NXPH1: variants seen among roughly 807,000 people sequenced by gnomAD.
The protein encoded by NXPH1 is neurexophilin-1.
In NXPH1, 5 loss-of-function variants were observed where a neutral mutation model predicts 23.7. The ratio of observed to expected loss-of-function variants is 0.21; its 90% CI spans 0.11 to 0.44. NXPH1 has a LOEUF of 0.44. Among genes scored for constraint, NXPH1 ranks in the 20% least tolerant of loss-of-function variants. The pLI is 0.99. For missense variants in NXPH1, 324 were observed against 321.6 expected (o/e 1.01, Z -0.06); for synonymous variants, 144 against 122.2 (o/e 1.18, Z -1.18).
At chr7:8,668,203 G>T (rs1408988869) in intron 2 of NXPH1, among the ~76,000 whole-genome samples, 1 of 146,176 alleles carries the variant, frequency 6.8e-6, no homozygotes, top group African/African-American at 2.5e-5. Flanking sequence ...CCATTTCTTT[G>T]TGGTCAGCAA....
At chr7:8,682,975 T>C (rs1201001444) in intron 2 of NXPH1, among the ~76,000 whole-genome samples, 4 of 152,242 alleles carry the variant, frequency 2.6e-5, no homozygotes, top group African/African-American at 4.8e-5. Flanking sequence ...AGCTACTAAC[T>C]AGCTGGGTAT....
intron 2 of NXPH1, among the ~76,000 whole-genome samples, chr7:8,439,619 A>G (rs1281118094): frequency 6.6e-6 from 1 of 152,274 alleles, no homozygotes; most frequent in Non-Finnish European, 1.5e-5. Context: ...GCATGAATTA[A>G]AAATCCTTTC....
At chr7:8,671,944 T>C (rs910287986) in intron 2 of NXPH1, among the ~76,000 whole-genome samples, 2 of 152,114 alleles carry the variant, frequency 1.3e-5, no homozygotes, top group African/African-American at 4.8e-5. Flanking sequence ...TTTGATGGGG[T>C]TGTTTGTTTT....
chr7:8,664,981 C>T (rs1820737136), intron 2 of NXPH1, among the ~76,000 whole-genome samples: 1 of 151,908 alleles, frequency 6.6e-6, no homozygotes, highest in Admixed American at 6.6e-5. Flanking sequence ...GTTATCTCTT[C>T]ACTCTGTCAA....
chr7:8,728,195 T>A (rs1298402745), intron 2 of NXPH1, among the ~76,000 whole-genome samples: 4 of 152,222 alleles, frequency 2.6e-5, no homozygotes, highest in Non-Finnish European at 5.9e-5. Context: ...TTTTGTATCC[T>A]GAGACTTTGC....
At chr7:8,540,574 A>G (rs1407251999) in intron 2 of NXPH1, among the ~76,000 whole-genome samples, 3 of 151,770 alleles carry the variant, frequency 2.0e-5, no homozygotes, top group African/African-American at 7.2e-5. Context: ...GGGGAGGTCA[A>G]GGCGGTTAGG....
At chr7:8,750,908 A>T in intron 2 of NXPH1, 100 bp from the exon 3 acceptor site, 1 of 1,193,976 alleles carries the variant, frequency 8.4e-7, no homozygotes, top group Non-Finnish European at 1.2e-6. Flanking sequence ...AAAAAAGTGT[A>T]ATTATTTAAT....
At chr7:8,490,558 A>G (rs1310768270) in intron 2 of NXPH1, among the ~76,000 whole-genome samples, 1 of 151,944 alleles carries the variant, frequency 6.6e-6, no homozygotes, top group East Asian at 1.9e-4. Context: ...GTGATGATTC[A>G]TTTTTTGTGG....
chr7:8,626,339 T>C (rs753190579), intron 2 of NXPH1, among the ~76,000 whole-genome samples: 1 of 152,060 alleles, frequency 6.6e-6, no homozygotes, highest in Non-Finnish European at 1.5e-5. Context: ...TCATGGACTA[T>C]AATTCTGATG....
At chr7:8,657,060 A>T (rs1230997324) in intron 2 of NXPH1, among the ~76,000 whole-genome samples, 1 of 152,226 alleles carries the variant, frequency 6.6e-6, no homozygotes, top group Non-Finnish European at 1.5e-5. Context: ...TTCTATGTAC[A>T]TGATGTCCTA....
chr7:8,503,001 C>G (rs575411617), intron 2 of NXPH1, among the ~76,000 whole-genome samples: 2 of 152,054 alleles, frequency 1.3e-5, no homozygotes, highest in South Asian at 4.2e-4. Flanking sequence ...TTGCAGGAGC[C>G]TGTTGAGTGC....
chr7:8,750,883 A>T (rs1460396874), intron 2 of NXPH1, 125 bp from the exon 3 acceptor site: 26 of 886,982 alleles, frequency 2.9e-5, no homozygotes, highest in Non-Finnish European at 3.1e-5. Flanking sequence ...TTCTTCTCAG[A>T]TGCGGTGCTT....
intron 2 of NXPH1, among the ~76,000 whole-genome samples, chr7:8,494,767 A>G (rs1817308995): frequency 6.6e-6 from 1 of 152,072 alleles, no homozygotes; most frequent in African/African-American, 2.4e-5. Flanking sequence ...ACATAATTTC[A>G]TGGATGAATC....
chr7:8,550,118 G>C (rs956279497), intron 2 of NXPH1, among the ~76,000 whole-genome samples: 2 of 151,484 alleles, frequency 1.3e-5, no homozygotes, highest in Non-Finnish European at 3.0e-5. Flanking sequence ...CGGTGATCTG[G>C]AGACTTTAGT....
intron 2 of NXPH1, among the ~76,000 whole-genome samples, chr7:8,730,033 G>A (rs1177191450): frequency 2.0e-5 from 3 of 152,148 alleles, no homozygotes; most frequent in Admixed American, 6.5e-5. Context: ...CCTATATTGG[G>A]TGCATATATA....
At chr7:8,701,238 G>A (rs1375822479) in intron 2 of NXPH1, among the ~76,000 whole-genome samples, 1 of 151,996 alleles carries the variant, frequency 6.6e-6, no homozygotes, top group African/African-American at 2.4e-5. Flanking sequence ...AATGGTATCA[G>A]AATTATCATC....
At chr7:8,730,906 T>A (rs1306043645) in intron 2 of NXPH1, among the ~76,000 whole-genome samples, 174 of 151,034 alleles carry the variant, frequency 1.2e-3, no homozygotes, top group Non-Finnish European at 1.6e-3. Context: ...AGATTGGGGA[T>A]GTTCTCCTGG....
intron 2 of NXPH1, among the ~76,000 whole-genome samples, chr7:8,569,343 T>A (rs1436993021): frequency 6.6e-6 from 1 of 151,934 alleles, no homozygotes; most frequent in African/African-American, 2.4e-5. Context: ...GTTGTTAGGA[T>A]TTAAATTCAA....
intron 2 of NXPH1, among the ~76,000 whole-genome samples, chr7:8,735,089 A>C (rs1780225712): frequency 6.6e-6 from 1 of 152,210 alleles, no homozygotes; most frequent in African/African-American, 2.4e-5. Flanking sequence ...ATCTGCAAAC[A>C]GGGACAATTT....
Sources: allele counts gnomAD v4.1 joint callset (sites outside exome capture counted in the v4.1 genomes callset), GRCh38; gene constraint gnomAD v4.1.1; transcripts MANE v1.5; gene names NCBI Gene and HGNC (gene_info 2026-07-23, HGNC 2026-07-21).